The following HSPA5 variants were observed in gnomAD, a reference collection of about 807,000 sequenced individuals.
The protein encoded by HSPA5 is heat shock protein family A (Hsp70) member 5.
A neutral mutation model predicts 49.5 loss-of-function variants in HSPA5; 16 were observed. The observed-to-expected ratio is 0.32, with a 90% CI of 0.22 to 0.49. The LOEUF (loss-of-function observed/expected upper bound fraction) is 0.49, where lower values mean the gene tolerates loss of function less well. HSPA5 is among the 20% of genes least tolerant of loss of function. The pLI, the probability that HSPA5 is intolerant of heterozygous loss-of-function variation, is 0.99. For missense variants in HSPA5, 376 were observed against 819.0 expected (o/e 0.46, Z 6.60); for synonymous variants, 271 against 307.2 (o/e 0.88, Z 1.23).
intron 5 of HSPA5, 38 bp from the exon 6 acceptor site, chr9:125,238,865 T>G: frequency 6.2e-7 from 1 of 1,608,060 alleles, no homozygotes. Context: ...GTCTGTTATC[T>G]AAGTATCTAG....
intron 6 of HSPA5, 127 bp from the exon 7 acceptor site, chr9:125,238,435 A>T: frequency 1.0e-6 from 1 of 997,362 alleles, no homozygotes; most frequent in South Asian, 1.5e-5. Context: ...ACAGTTGCTA[A>T]TGATCTTGAG....
In HSPA5 at chr9:125,240,802, A is replaced by C; in HGVS notation, c.228T>G (p.Ile76Met). ...TGAGCTGGTTCTTGGCGGCATCGCC[A>C]ATCAGACGTTCCCCTTCAGGAGTGA... is the stretch of plus-strand genomic sequence containing the variant. Reference protein sequence around the residue: ...VAFTPEGERLIGDAAKNQLTS... With the variant: ...VAFTPEGERLMGDAAKNQLTS... Residue 76 changes from isoleucine to methionine, a missense_variant, in exon 2 of 8, where the codon ATT becomes ATG. Physicochemically the swap from Ile to Met is conservative, Grantham distance 10. Coordinates refer to ENST00000324460, the MANE Select transcript of HSPA5 (RefSeq NM_005347.5). This position sits in a 1 kb window ranked among gnomAD's most constrained non-coding sequence, Gnocchi z 4.4. The C allele has an allele frequency of 6.2e-7, 1 of 1,614,250 alleles. No homozygotes were observed.
At chr9:125,237,208 A>T in intron 7 of HSPA5, 54 bp from the exon 8 acceptor site, 2 of 1,269,178 alleles carry the variant, frequency 1.6e-6, no homozygotes, top group South Asian at 2.8e-5. Flanking sequence ...GCATTAGCAC[A>T]TCTAGATCCC....
chr9:125,238,446 A>G, intron 6 of HSPA5, 138 bp from the exon 7 acceptor site: 1 of 960,674 alleles, frequency 1.0e-6, no homozygotes, highest in Non-Finnish European at 1.6e-6. Context: ...TGATCTTGAG[A>G]CTACCCCAGT....
In HSPA5 at chr9:125,235,354, A is replaced by G. The variant is rs1702705926; in HGVS notation, c.*1238T>C. On this transcript the variant is annotated 3_prime_UTR_variant, in exon 8 of 8. Transcript: ENST00000324460. Reference sequence around the variant, plus strand: ...CCTGCCTCAGCCTTCAGCTTGCACTACCACGCCCAGCTAATTTTTGTATTT... The same window carrying G: ...CCTGCCTCAGCCTTCAGCTTGCACTGCCACGCCCAGCTAATTTTTGTATTT... The G allele has an allele frequency of 6.6e-6, 1 of 151,408 alleles. No individual in the cohort carries two copies. Among genetic ancestry groups the G allele is most frequent in the Non-Finnish European group, 1.5e-5 (1 of 68,018 alleles). 9.4% of individuals were successfully genotyped at this position (151,408 alleles called of 1,614,324 possible).
chr9:125,237,328 C>G (rs539052353), intron 7 of HSPA5, among the ~76,000 whole-genome samples, 174 bp from the exon 8 acceptor site: 2 of 152,324 alleles, frequency 1.3e-5, no homozygotes, highest in East Asian at 1.9e-4. Context: ...AGTTAGGTTA[C>G]TAACTCAACT....
chr9:125,236,304 G>A lies in HSPA5; in HGVS notation c.*288C>T, dbSNP rs530793569. 3.5e-5 allele frequency: 12 copies of A among 340,754 alleles called. No homozygotes were observed. The East Asian group carries it at 5.5e-4, about 15-fold the overall frequency. The allele number at this position is 340,754 out of a possible 1,614,324, so 21.1% of individuals were successfully genotyped here. A position where few individuals can be genotyped will look rare whatever the true frequency, so the allele number is the denominator to read the frequency against. On this transcript the variant is annotated 3_prime_UTR_variant, in exon 8 of 8. Coordinates refer to ENST00000324460, the MANE Select transcript of HSPA5 (RefSeq NM_005347.5). ...GTAGAAAAAACTTCCTACACCAGAT[G>A]CACATGACCCAGTTGTTAAATAGAA... is the stretch of plus-strand genomic sequence containing the variant.
At position 125,236,405 on chromosome 9, in the gene HSPA5, C is replaced by A. The variant is rs1003872812; in HGVS notation, c.*187G>T. 2.0e-5 allele frequency: 10 copies of A among 490,708 alleles called. No individual in the cohort carries two copies. The highest frequency in any genetic ancestry group is 5.3e-4 in the Middle Eastern group (1 of 1,896). The allele number at this position is 490,708 out of a possible 1,614,324, so 30.4% of individuals were successfully genotyped here. ...AAGATGGCCAATTCTTCTTCTCCCCCCCACCCAAAGACATGTGAGCAACTG... is the reference window on the plus strand; with the variant it reads ...AAGATGGCCAATTCTTCTTCTCCCCACCACCCAAAGACATGTGAGCAACTG... On this transcript the variant is annotated 3_prime_UTR_variant, in exon 8 of 8. Transcript: ENST00000324460.
rs770275465 is a variant in HSPA5 at position 125,240,627 on chromosome 9, TC to T, written c.354+48del. ...TCCAGAGACTTATAACTCTAAATAC[TC>T]CCACCACCCACCCGTTCTCTAACTG... is the stretch of plus-strand genomic sequence containing the variant. On this transcript the variant is annotated intron_variant, in intron 2 of 7. Transcript: ENST00000324460. The surrounding 1 kb of genome is among the most constrained non-coding windows in gnomAD (Gnocchi z 4.4). 6.8e-7 allele frequency: 1 copy of T among 1,476,320 alleles called. No individual in the cohort carries two copies. Among genetic ancestry groups the T allele is most frequent in the Non-Finnish European group, 9.4e-7 (1 of 1,058,328 alleles). 91.5% of individuals were successfully genotyped at this position (1,476,320 alleles called of 1,614,324 possible). A position where few individuals can be genotyped will look rare whatever the true frequency, so the allele number is the denominator to read the frequency against.
At chr9:125,238,850 G>A in intron 5 of HSPA5, 23 bp from the exon 6 acceptor site, 2 of 1,606,694 alleles carry the variant, frequency 1.2e-6, no homozygotes, top group Non-Finnish European at 1.7e-6. Context: ...CATGGTTACT[G>A]TGATGTCTGT....
intron 6 of HSPA5, 105 bp downstream of exon 6, chr9:125,238,485 T>C: frequency 9.7e-7 from 1 of 1,034,260 alleles, no homozygotes; most frequent in South Asian, 1.4e-5. Context: ...CTTTACTAGC[T>C]GTGTGACCTT....
chr9:125,239,155 C>T lies in HSPA5; in HGVS notation c.782G>A (p.Arg261His), dbSNP rs752543561. The T allele has an allele frequency of 6.8e-6, 11 of 1,614,040 alleles. No homozygotes were observed. Among genetic ancestry groups the T allele is most frequent in the African/African-American group, 1.3e-5 (1 of 74,994 alleles). Residue 261 changes from arginine to histidine, a missense_variant, in exon 5 of 8, where the codon CGT becomes CAT. By Grantham distance (29) the Arg-to-His change is conservative. Coordinates refer to ENST00000324460, the MANE Select transcript of HSPA5 (RefSeq NM_005347.5). The surrounding 1 kb of genome is among the most constrained non-coding windows in gnomAD (Gnocchi z 5.5). Reference sequence around the variant, plus strand: ...CAGTTTGATGAAGTGTTCCATGACACGCTGGTCAAAGTCTTCTCCACCCAG... The same window carrying T: ...CAGTTTGATGAAGTGTTCCATGACATGCTGGTCAAAGTCTTCTCCACCCAG... The part of the protein sequence containing the change: ...THLGGEDFDQ[R>H]VMEHFIKLYK...
Position 125,236,630 on chromosome 9 carries a change from T to G in HSPA5, c.1927A>C (p.Thr643Pro), listed in dbSNP as rs748626391. The G allele has an allele frequency of 6.2e-7, 1 of 1,610,244 alleles. No individual in the cohort carries two copies. Among genetic ancestry groups the G allele is most frequent in the Non-Finnish European group, 8.5e-7 (1 of 1,178,782 alleles). Residue 643 changes from threonine to proline, a missense_variant, in exon 8 of 8, where the codon ACT becomes CCT. Coordinates refer to ENST00000324460, the MANE Select transcript of HSPA5 (RefSeq NM_005347.5). The stretch of plus-strand genomic sequence containing the variant: ...TTTTCTGCTGTATCCTCTTCACCAG[T>G]TGGGGGAGGGCCTGCACTTCCATAG... ...KLYGSAGPPP[T>P]GEEDTAEKDE...
In HSPA5 at chr9:125,238,990, TCTC is replaced by T. The variant is rs1832531138; in HGVS notation, c.944_946del (p.Gly315del). On this transcript the variant is annotated inframe_deletion, in exon 5 of 8. Coordinates refer to ENST00000324460, the MANE Select transcript of HSPA5 (RefSeq NM_005347.5). ...CCGAGTCAGGGTCTCAGAAAAGTCT[TCTC>T]CTTCATAGAAGGACTCAATTTCAAT... is the stretch of plus-strand genomic sequence containing the variant. The T allele has an allele frequency of 1.9e-6, 3 of 1,613,696 alleles. No individual in the cohort carries two copies. Among genetic ancestry groups the T allele is most frequent in the East Asian group, 2.2e-5 (1 of 44,882 alleles).
In HSPA5 at chr9:125,234,858, G is replaced by GTCTA. The variant is rs1016918116; in HGVS notation, c.*1730_*1733dup. On this transcript the variant is annotated 3_prime_UTR_variant, in exon 8 of 8. Coordinates refer to ENST00000324460, the MANE Select transcript of HSPA5 (RefSeq NM_005347.5). Reference sequence around the variant, plus strand: ...TATAGACATCAGACACATAGTTGAAGTCTATCTTTTTAATATTCAGTAACA... The same window carrying GTCTA: ...TATAGACATCAGACACATAGTTGAAGTCTATCTATCTTTTTAATATTCAGTAACA... 6.6e-6 allele frequency: 1 copy of GTCTA among 152,064 alleles called. No homozygotes were observed. Among genetic ancestry groups the GTCTA allele is most frequent in the African/African-American group, 2.4e-5 (1 of 41,408 alleles). The allele number at this position is 152,064 out of a possible 1,614,324, so 9.4% of individuals were successfully genotyped here. A position where few individuals can be genotyped will look rare whatever the true frequency, so the allele number is the denominator to read the frequency against.
Position 125,239,586 on chromosome 9 carries a change from T to A in HSPA5, c.493-53A>T. The A allele has an allele frequency of 7.0e-7, 1 of 1,429,114 alleles. No individual in the cohort carries two copies. Among genetic ancestry groups the A allele is most frequent in the Non-Finnish European group, 9.8e-7 (1 of 1,016,250 alleles). 88.5% of individuals were successfully genotyped at this position (1,429,114 alleles called of 1,614,324 possible). A position where few individuals can be genotyped will look rare whatever the true frequency, so the allele number is the denominator to read the frequency against. ...ATTGTCACATAGTTTAACCCTTATTTAAATTACAGTCTGGCCAGGCGGTGG... is the reference window on the plus strand; with the variant it reads ...ATTGTCACATAGTTTAACCCTTATTAAAATTACAGTCTGGCCAGGCGGTGG... On this transcript the variant is annotated intron_variant, in intron 3 of 7. Transcript: ENST00000324460. The surrounding 1 kb of genome is among the most constrained non-coding windows in gnomAD (Gnocchi z 5.5).
Position 125,236,390 on chromosome 9 carries a change from ATTC to A in HSPA5, c.*199_*201del, listed in dbSNP as rs764342860. 10 of 483,456 alleles carry A rather than the reference ATTC, an allele frequency of 2.1e-5. No homozygotes were observed. Among genetic ancestry groups the A allele is most frequent in the South Asian group, 4.3e-5 (1 of 23,474 alleles). The allele number at this position is 483,456 out of a possible 1,614,324, so 29.9% of individuals were successfully genotyped here. ...TTTTACCCGCTTTTTAAGATGGCCA[ATTC>A]TTCTTCTCCCCCCCACCCAAAGACA... On this transcript the variant is annotated 3_prime_UTR_variant, in exon 8 of 8. Transcript: ENST00000324460.
chr9:125,239,073 G>T lies in HSPA5; in HGVS notation c.864C>A (p.Leu288=). The T allele has an allele frequency of 6.2e-7, 1 of 1,614,158 alleles. No homozygotes were observed. Among genetic ancestry groups the T allele is most frequent in the Non-Finnish European group, 8.5e-7 (1 of 1,180,032 alleles). The change falls in exon 5 of 8, where the codon CTC becomes CTA. Residue 288 remains leucine (L), a synonymous_variant. Transcript: ENST00000324460. This position sits in a 1 kb window ranked among gnomAD's most constrained non-coding sequence, Gnocchi z 5.5. ...VRKDNRAVQK[L]RREVEKAKRA... ...GTTTGGCCTTTTCTACCTCGCGCCGGAGTTTCTGCACAGCTCTATTGTCTT... is the reference window on the plus strand; with the variant it reads ...GTTTGGCCTTTTCTACCTCGCGCCGTAGTTTCTGCACAGCTCTATTGTCTT...
Position 125,236,938 on chromosome 9 carries a change from C to T in HSPA5, c.1619G>A (p.Arg540Lys). Reference protein sequence around the residue: ...QNRLTPEEIERMVNDAEKFAE... With the variant: ...QNRLTPEEIEKMVNDAEKFAE... ...AAACTTCTCAGCATCATTAACCATC[C>T]TTTCGATTTCTTCAGGTGTCAGGCG... The change falls in exon 8 of 8, where the codon AGG becomes AAG. Residue 540 changes from arginine (R) to lysine (K), a missense_variant. Arg to Lys is a conservative substitution (Grantham distance 26, BLOSUM62 2). Coordinates refer to ENST00000324460, the MANE Select transcript of HSPA5 (RefSeq NM_005347.5). 1 of 1,613,952 alleles carries T rather than the reference C, an allele frequency of 6.2e-7. No homozygotes were observed. The highest frequency in any genetic ancestry group is 1.3e-5 in the African/African-American group (1 of 75,046).
Sources: gnomAD v4.1 joint callset for allele counts (sites outside exome capture counted in the v4.1 genomes callset) on GRCh38, gnomAD v4.1.1 for gene constraint, Gnocchi (gnomAD v3.1) non-coding constraint, MANE v1.5 for transcripts, NCBI Gene and HGNC (gene_info 2026-07-23, HGNC 2026-07-21) for gene names.